The following DCAF12 variants were observed in gnomAD, a reference collection of about 807,000 sequenced individuals.
The protein encoded by DCAF12 is DDB1- and CUL4-associated factor 12.
DCAF12 carries 28 observed loss-of-function variants against 52.8 expected under a neutral mutation model. That is an observed-to-expected ratio of 0.53 (90% CI 0.39 to 0.73). DCAF12 has a LOEUF of 0.73. Among genes scored for constraint, DCAF12 ranks in the 30% least tolerant of loss-of-function variants. The pLI is 0.00. For synonymous variants in DCAF12, 196 were observed against 215.5 expected (o/e 0.91, Z 0.79); for missense variants, 425 against 552.2 (o/e 0.77, Z 2.31).
At chr9:34,110,989 T>TG (rs1309902399) in intron 2 of DCAF12, among the ~76,000 whole-genome samples, 1 of 149,590 alleles carries the variant, frequency 6.7e-6, no homozygotes, top group Non-Finnish European at 1.5e-5. Context: ...TTTTCTGTTT[T>TG]TTTTTTTTTT....
intron 4 of DCAF12, among the ~76,000 whole-genome samples, chr9:34,105,257 A>T (rs1236166659): frequency 6.6e-6 from 1 of 150,996 alleles, no homozygotes; most frequent in Admixed American, 6.6e-5. Context: ...TGTCTCAAAA[A>T]AAAAAAAAAA....
rs10971903 is a variant in DCAF12 at position 34,087,248 on chromosome 9, C to T, written c.*1102G>A. The stretch of plus-strand genomic sequence containing the variant: ...CCACACATGAAGCACTCACTACACA[C>T]AGATAAACCCCCTGCTCACCCCCAC... On this transcript the variant is annotated 3_prime_UTR_variant, in exon 9 of 9. Coordinates refer to ENST00000361264, the MANE Select transcript of DCAF12 (RefSeq NM_015397.4). The T allele has an allele frequency of 0.19, 29,566 of 152,346 alleles. 3,208 individuals are homozygous for T. Among genetic ancestry groups the T allele is most frequent in the African/African-American group, 0.28 (11,443 of 41,514 alleles). The allele number at this position is 152,346 out of a possible 1,614,324, so 9.4% of individuals were successfully genotyped here. A position where few individuals can be genotyped will look rare whatever the true frequency, so the allele number is the denominator to read the frequency against.
intron 4 of DCAF12, among the ~76,000 whole-genome samples, chr9:34,100,942 G>C (rs1828818919): frequency 6.6e-6 from 1 of 151,474 alleles, no homozygotes; most frequent in Non-Finnish European, 1.5e-5. Context: ...CCCAGACTAG[G>C]CCTCTTTTTC....
At chr9:34,105,363 C>A (rs544738929) in intron 4 of DCAF12, among the ~76,000 whole-genome samples, 1 of 151,778 alleles carries the variant, frequency 6.6e-6, no homozygotes, top group East Asian at 1.9e-4. Context: ...GAGTTCAAGG[C>A]TGCAGTGAGC....
chr9:34,118,296 G>A (rs1829117930), intron 2 of DCAF12, among the ~76,000 whole-genome samples: 1 of 152,058 alleles, frequency 6.6e-6, no homozygotes, highest in Non-Finnish European at 1.5e-5. Context: ...ATCATGCCCG[G>A]CTAATTTTTG....
chr9:34,125,032 T>C lies in DCAF12; in HGVS notation c.324A>G (p.Lys108=), dbSNP rs1030003931. 1.2e-6 allele frequency: 2 copies of C among 1,613,032 alleles called. No individual in the cohort carries two copies. Among genetic ancestry groups the C allele is most frequent in the Non-Finnish European group, 1.7e-6 (2 of 1,180,032 alleles). ...LNHRQVVCGT[K]CNTLFVVDVQ... ...CCCCCCAGGCACTTACCGTGTTGCA[T>C]TTTGTGCCACACACCACTTGCCTAT... The change falls in exon 2 of 9, where the codon AAA becomes AAG. Residue 108 remains lysine, a synonymous_variant. Transcript: ENST00000361264.
At chr9:34,108,501 T>TA (rs1564098986) in intron 2 of DCAF12, among the ~76,000 whole-genome samples, 1 of 152,084 alleles carries the variant, frequency 6.6e-6, no homozygotes, top group Non-Finnish European at 1.5e-5. Flanking sequence ...AAGTTTAAAA[T>TA]ATAAAAAGGG....
At chr9:34,117,690 G>A (rs1317169320) in intron 2 of DCAF12, among the ~76,000 whole-genome samples, 1 of 152,158 alleles carries the variant, frequency 6.6e-6, no homozygotes, top group Non-Finnish European at 1.5e-5. Flanking sequence ...CCAGGCGGGA[G>A]GATCACCTGA....
chr9:34,107,858 G>A (rs965485611), intron 2 of DCAF12, among the ~76,000 whole-genome samples: 3 of 152,140 alleles, frequency 2.0e-5, no homozygotes, highest in Non-Finnish European at 4.4e-5. Context: ...ATTAGGCCAC[G>A]GACACAAAGA....
intron 2 of DCAF12, among the ~76,000 whole-genome samples, chr9:34,117,088 G>C (rs1027031163): frequency 9.2e-5 from 14 of 152,216 alleles, no homozygotes; most frequent in African/African-American, 3.4e-4. Flanking sequence ...CTACTAGCTA[G>C]CTAAGATAAG....
rs200551627 is a variant in DCAF12 at position 34,091,675 on chromosome 9, A to C, written c.1024+1611T>G. On this transcript the variant is annotated intron_variant, in intron 7 of 8. Coordinates refer to ENST00000361264, the MANE Select transcript of DCAF12 (RefSeq NM_015397.4). ...AAAAAAAAAAAACCACAAAAAACCC[A>C]AAACAAAAGCTACTTTGCAGTATCT... Among the ~76,000 whole-genome samples, 164 of 150,474 alleles carry C rather than the reference A, an allele frequency of 1.1e-3. 1 individual carries two copies. In the East Asian group the frequency reaches 0.015, roughly 13 times the overall value.
chr9:34,106,396 T>C, intron 4 of DCAF12, 38 bp downstream of exon 4: 1 of 1,546,262 alleles, frequency 6.5e-7, no homozygotes, highest in Non-Finnish European at 8.9e-7. Flanking sequence ...CCCCAATCCC[T>C]GCCACATCAA....
intron 2 of DCAF12, chr9:34,109,706 G>A: frequency 5.0e-6 from 1 of 200,612 alleles, no homozygotes; most frequent in Non-Finnish European, 1.0e-5. Flanking sequence ...TGCAAGCGGG[G>A]GAATAGGACC....
At chr9:34,123,083 G>C (rs1380616517) in intron 2 of DCAF12, among the ~76,000 whole-genome samples, 2 of 152,172 alleles carry the variant, frequency 1.3e-5, no homozygotes, top group Non-Finnish European at 2.9e-5. Flanking sequence ...AAAAACAACA[G>C]TGGCTATCCT....
At chr9:34,125,850 C>A (rs1181943928) in intron 1 of DCAF12, 2 of 284,148 alleles carry the variant, frequency 7.0e-6, no homozygotes, top group Non-Finnish European at 1.4e-5. Context: ...AGAAGGCCTT[C>A]CCCTCCAAAG....
chr9:34,097,623 GAA>G (rs1828755748), intron 5 of DCAF12, among the ~76,000 whole-genome samples: 1 of 151,918 alleles, frequency 6.6e-6, no homozygotes, highest in African/African-American at 2.4e-5. Flanking sequence ...GTGGAAATGT[GAA>G]GGGAAAGTAG....
chr9:34,126,275 C>T, intron 1 of DCAF12, 79 bp downstream of exon 1: 1 of 1,548,120 alleles, frequency 6.5e-7, no homozygotes. Flanking sequence ...ACCCCGATTC[C>T]CGTCGCAGGA....
intron 2 of DCAF12, 28 bp from the exon 3 acceptor site, chr9:34,107,593 G>A (rs1386422000): frequency 6.2e-7 from 1 of 1,606,836 alleles, no homozygotes; most frequent in Non-Finnish European, 8.5e-7. Flanking sequence ...TACAGAAGCT[G>A]AACATAAATT....
At chr9:34,094,725 T>G (rs1487285947) in intron 6 of DCAF12, among the ~76,000 whole-genome samples, 2 of 151,756 alleles carry the variant, frequency 1.3e-5, no homozygotes, top group Admixed American at 6.6e-5. Flanking sequence ...AGAGACGGGG[T>G]TTCACCATGT....
Sources: gnomAD v4.1 joint callset for allele counts (sites outside exome capture counted in the v4.1 genomes callset) on GRCh38, gnomAD v4.1.1 for gene constraint, MANE v1.5 for transcripts, NCBI Gene and HGNC (gene_info 2026-07-23, HGNC 2026-07-21) for gene names.